The following DOCK3 variants were observed in gnomAD, a reference collection of about 807,000 sequenced individuals.
DOCK3 encodes dedicator of cytokinesis 3.
A neutral mutation model predicts 265.6 loss-of-function variants in DOCK3; 60 were observed. That is an observed-to-expected ratio of 0.23 (90% CI 0.18 to 0.28). The LOEUF is 0.28. Ranked by LOEUF, DOCK3 falls within the 10% of genes least tolerant of loss-of-function variation. The pLI, the probability that DOCK3 is intolerant of heterozygous loss-of-function variation, is 1.00. For missense variants in DOCK3, 1,981 were observed against 2,594.3 expected (o/e 0.76, Z 5.14); for synonymous variants, 881 against 938.0 (o/e 0.94, Z 1.11).
In DOCK3 at chr3:50,737,214, C is replaced by T. The variant is rs141543078; in HGVS notation, c.38-41461C>T. On this transcript the variant is annotated intron_variant, in intron 1 of 52. Coordinates refer to ENST00000266037, the MANE Select transcript of DOCK3 (RefSeq NM_004947.5). ...GAAGCTCTTTAGTTTAATTAGATCC[C>T]GTTTGTCAATTTTGGCTTTTGTTGC... 7.6e-3 allele frequency among the ~76,000 whole-genome samples: 1,159 copies of T among 152,152 alleles called. 18 individuals carry two copies. Among genetic ancestry groups the T allele is most frequent in the African/African-American group, 0.027 (1,112 of 41,488 alleles).
chr3:51,295,292 T>C (rs1323017628), intron 27 of DOCK3, among the ~76,000 whole-genome samples: 1 of 152,204 alleles, frequency 6.6e-6, no homozygotes, highest in Non-Finnish European at 1.5e-5. Context: ...TGTGCAGAGA[T>C]ATCATGGTGA....
intron 12 of DOCK3, among the ~76,000 whole-genome samples, chr3:51,164,326 A>G (rs1458769385): frequency 6.6e-6 from 1 of 152,156 alleles, no homozygotes; most frequent in Non-Finnish European, 1.5e-5. Flanking sequence ...GTGATGTTCA[A>G]AATAAAGAGA....
intron 3 of DOCK3, among the ~76,000 whole-genome samples, chr3:50,844,130 C>A (rs983466703): frequency 6.6e-6 from 1 of 152,030 alleles, no homozygotes; most frequent in East Asian, 1.9e-4. Flanking sequence ...TGTCTTTAGT[C>A]GTTTATGATT....
At chr3:51,130,448 C>T (rs1208781876) in intron 9 of DOCK3, among the ~76,000 whole-genome samples, 2 of 152,208 alleles carry the variant, frequency 1.3e-5, no homozygotes, top group Non-Finnish European at 2.9e-5. Flanking sequence ...TGGCTGCATA[C>T]CAGGTACCAG....
At chr3:51,250,758 C>G (rs1483009499) in intron 22 of DOCK3, among the ~76,000 whole-genome samples, 1 of 152,172 alleles carries the variant, frequency 6.6e-6, no homozygotes, top group Non-Finnish European at 1.5e-5. Context: ...GATCTCTGAG[C>G]TGAAGTCAGT....
chr3:51,307,884 TTTTTTTG>T (rs1560402794), intron 27 of DOCK3, among the ~76,000 whole-genome samples: 5 of 149,534 alleles, frequency 3.3e-5, no homozygotes, highest in Non-Finnish European at 7.4e-5. Context: ...TATGGGTTTT[TTTTTTTG>T]TTTTTTTTTT....
intron 5 of DOCK3, among the ~76,000 whole-genome samples, chr3:51,017,676 G>T (rs779791633): frequency 6.6e-6 from 1 of 151,652 alleles, no homozygotes; most frequent in Non-Finnish European, 1.5e-5. Flanking sequence ...CAAAATTCCT[G>T]TTGTTACTGA....
chr3:51,095,685 AG>A (rs2082816890), intron 9 of DOCK3, among the ~76,000 whole-genome samples: 1 of 151,638 alleles, frequency 6.6e-6, no homozygotes, highest in African/African-American at 2.4e-5. Context: ...TTTGTTTTAA[AG>A]CTTTTCACCC....
intron 2 of DOCK3, among the ~76,000 whole-genome samples, chr3:50,824,584 A>C (rs1576554934): frequency 6.6e-6 from 1 of 152,106 alleles, no homozygotes; most frequent in East Asian, 1.9e-4. Context: ...TTGTGTTCCC[A>C]AGTCTTGCCT....
chr3:51,331,556 TA>T (rs201481347), intron 33 of DOCK3, among the ~76,000 whole-genome samples: 1,331 of 131,038 alleles, frequency 0.01, 4 homozygotes, highest in Middle Eastern at 0.016. Flanking sequence ...GTAGGTATGC[TA>T]AAAAAAAAAA....
rs1274871484 is a variant in DOCK3, at chr3:50,765,888, T to C, written c.38-12787T>C. ...TCCTCCTATCTAACTGCAACTTTGT[T>C]TGACCAAACCTCTAACCATTCCCCA... is the stretch of plus-strand genomic sequence containing the variant. On this transcript the variant is annotated intron_variant, in intron 1 of 52. Transcript: ENST00000266037. Among the ~76,000 whole-genome samples, 3 of 152,194 alleles carry C rather than the reference T, an allele frequency of 2.0e-5. No individual in the cohort carries two copies. The East Asian group carries it at 5.8e-4, about 29-fold the overall frequency.
intron 49 of DOCK3, among the ~76,000 whole-genome samples, chr3:51,370,972 A>C (rs560159887): frequency 6.6e-6 from 1 of 152,306 alleles, no homozygotes; most frequent in South Asian, 2.1e-4. Context: ...CATGTGACTT[A>C]GGCTTCTCAC....
At chr3:51,014,028 G>A (rs1289992555) in intron 5 of DOCK3, among the ~76,000 whole-genome samples, 1 of 152,220 alleles carries the variant, frequency 6.6e-6, no homozygotes, top group Non-Finnish European at 1.5e-5. Context: ...GACAAGTGCA[G>A]TGTTTAGGTG....
chr3:51,129,177 G>A (rs2084399069), intron 9 of DOCK3, among the ~76,000 whole-genome samples: 2 of 152,188 alleles, frequency 1.3e-5, no homozygotes, highest in Admixed American at 6.5e-5. Flanking sequence ...CTCCTTCCAT[G>A]CAAAGTGCAC....
intron 4 of DOCK3, among the ~76,000 whole-genome samples, chr3:50,924,406 T>C (rs1247997753): frequency 2.6e-5 from 4 of 152,240 alleles, no homozygotes; most frequent in Non-Finnish European, 5.9e-5. Flanking sequence ...GATGATGAAG[T>C]AATTAGTAAG....
chr3:50,714,749 TC>T (rs1177565722), intron 1 of DOCK3, among the ~76,000 whole-genome samples: 1 of 152,214 alleles, frequency 6.6e-6, no homozygotes, highest in Admixed American at 6.5e-5. Context: ...TAACTACCTC[TC>T]TAAGTCTCCC....
rs1454604919 is a variant in DOCK3, at chr3:50,934,080, A to C, written c.315+3A>C. On this transcript the variant is annotated splice_donor_region_variant and intron_variant, in intron 5 of 52. Transcript: ENST00000266037. ...GTTTGTGGAAACAGTTGTATGTGGT[A>C]AGTAGTTGATTACTGGTTTATTGGA... is the stretch of plus-strand genomic sequence containing the variant. 6.3e-7 allele frequency: 1 copy of C among 1,597,136 alleles called. No individual in the cohort carries two copies. The highest frequency in any genetic ancestry group is 8.6e-7 in the Non-Finnish European group (1 of 1,168,970).
At chr3:50,862,062 C>T (rs971927981) in intron 3 of DOCK3, among the ~76,000 whole-genome samples, 1 of 152,046 alleles carries the variant, frequency 6.6e-6, no homozygotes, top group Non-Finnish European at 1.5e-5. Context: ...TAGCAGGTAT[C>T]TTTCATTTTC....
At chr3:51,351,892 T>C (rs1030200151) in intron 40 of DOCK3, among the ~76,000 whole-genome samples, 5 of 152,094 alleles carry the variant, frequency 3.3e-5, no homozygotes, top group Admixed American at 6.5e-5. Context: ...CCTGACCTTA[T>C]GTGATCCGCC....
Sources: allele counts gnomAD v4.1 joint callset (sites outside exome capture counted in the v4.1 genomes callset), GRCh38; gene constraint gnomAD v4.1.1; transcripts MANE v1.5; gene names NCBI Gene and HGNC (gene_info 2026-07-23, HGNC 2026-07-21).